The following DIAPH3 variants were observed in gnomAD, a reference collection of about 807,000 sequenced individuals.
DIAPH3 encodes the protein diaphanous related formin 3.
In DIAPH3, 117 loss-of-function variants were observed where a neutral mutation model predicts 144.3. The ratio of observed to expected loss-of-function variants is 0.81; its 90% CI spans 0.70 to 0.95. DIAPH3 has a LOEUF of 0.95. Among genes scored for constraint, DIAPH3 ranks in the 40% least tolerant of loss-of-function variants. The pLI is 0.00. For synonymous variants in DIAPH3, 519 were observed against 488.9 expected (o/e 1.06, Z -0.81); for missense variants, 1,421 against 1,412.7 (o/e 1.01, Z -0.09).
intron 20 of DIAPH3, among the ~76,000 whole-genome samples, chr13:59,884,709 C>G (rs2045321735): frequency 6.8e-6 from 1 of 147,938 alleles, no homozygotes; most frequent in South Asian, 2.1e-4. Context: ...TCATTGTTAA[C>G]AGACCAATAT....
At chr13:59,685,153 G>A (rs181034571) in intron 27 of DIAPH3, among the ~76,000 whole-genome samples, 14 of 151,984 alleles carry the variant, frequency 9.2e-5, no homozygotes, top group African/African-American at 3.4e-4. Context: ...GTGAAGGGTG[G>A]GAAGGAGATT....
chr13:59,721,579 T>A (rs1224877867), intron 27 of DIAPH3, among the ~76,000 whole-genome samples: 1 of 152,158 alleles, frequency 6.6e-6, no homozygotes. Context: ...TCATAAAAAA[T>A]CCCAAGGAAA....
At chr13:60,018,251 A>G (rs1264851010) in intron 5 of DIAPH3, among the ~76,000 whole-genome samples, 1 of 152,220 alleles carries the variant, frequency 6.6e-6, no homozygotes, top group Non-Finnish European at 1.5e-5. Flanking sequence ...ATCACCTTTA[A>G]TCATTGTGAA....
chr13:59,852,101 C>CT (rs954794987), intron 22 of DIAPH3, among the ~76,000 whole-genome samples: 11 of 152,092 alleles, frequency 7.2e-5, no homozygotes, highest in African/African-American at 2.4e-4. Flanking sequence ...AACACTAGCT[C>CT]TTTTTTCCAT....
chr13:59,694,764 G>C (rs946489031), intron 27 of DIAPH3, among the ~76,000 whole-genome samples: 8 of 152,112 alleles, frequency 5.3e-5, no homozygotes, highest in Non-Finnish European at 1.2e-4. Flanking sequence ...AAACAAAGTT[G>C]TTCAGTCATT....
intron 25 of DIAPH3, among the ~76,000 whole-genome samples, chr13:59,802,849 T>A (rs1246221051): frequency 1.0e-4 from 15 of 147,106 alleles, no homozygotes; most frequent in Admixed American, 9.5e-4. Flanking sequence ...GCCCGGCTAA[T>A]TTTTTTTTGT....
rs745720799 is a variant in DIAPH3 at position 59,732,314 on chromosome 13, T to C, written c.3319+41875A>G. Among the ~76,000 whole-genome samples, 7 of 151,754 alleles carry C rather than the reference T, an allele frequency of 4.6e-5. No homozygotes were observed. In the East Asian group the frequency reaches 5.8e-4, roughly 13 times the overall value. Reference sequence around the variant, plus strand: ...CCCCTTAATACCAACTTAAAACAAATAGATTGCAAATAACAAATATAATTT... The same window carrying C: ...CCCCTTAATACCAACTTAAAACAAACAGATTGCAAATAACAAATATAATTT... On this transcript the variant is annotated intron_variant, in intron 27 of 27. Transcript: ENST00000400324.
At chr13:60,094,178 G>A (rs1208187291) in intron 3 of DIAPH3, among the ~76,000 whole-genome samples, 1 of 152,114 alleles carries the variant, frequency 6.6e-6, no homozygotes, top group African/African-American at 2.4e-5. Flanking sequence ...GATTCTGATA[G>A]CCACATCAAA....
intron 9 of DIAPH3, among the ~76,000 whole-genome samples, chr13:59,993,845 T>A (rs1430366340): frequency 4.0e-5 from 6 of 151,738 alleles, no homozygotes; most frequent in African/African-American, 1.4e-4. Context: ...CCCACAAATG[T>A]TTTCTTCAGC....
At chr13:59,856,248 A>G (rs2043246561) in intron 22 of DIAPH3, among the ~76,000 whole-genome samples, 1 of 152,188 alleles carries the variant, frequency 6.6e-6, no homozygotes, top group Non-Finnish European at 1.5e-5. Context: ...CTGATTTGAT[A>G]AAGTGAAAAA....
At chr13:59,950,995 ATTAT>A (rs1350024662) in intron 17 of DIAPH3, among the ~76,000 whole-genome samples, 1 of 152,142 alleles carries the variant, frequency 6.6e-6, no homozygotes, top group East Asian at 1.9e-4. Context: ...CTGTAACATA[ATTAT>A]TCTATAATGA....
intron 25 of DIAPH3, among the ~76,000 whole-genome samples, chr13:59,803,215 G>T (rs921509231): frequency 4.7e-4 from 72 of 152,128 alleles, no homozygotes; most frequent in Admixed American, 1.6e-3. Flanking sequence ...CAAAAGAACT[G>T]ATTGGTATGA....
chr13:60,109,278 CT>C, intron 3 of DIAPH3, among the ~76,000 whole-genome samples: 1 of 152,296 alleles, frequency 6.6e-6, no homozygotes, highest in Non-Finnish European at 1.5e-5. Flanking sequence ...ACCAGGATTT[CT>C]CACTTACAGA....
chr13:59,687,969 C>T (rs1387010303), intron 27 of DIAPH3, among the ~76,000 whole-genome samples: 1 of 151,992 alleles, frequency 6.6e-6, no homozygotes, highest in Non-Finnish European at 1.5e-5. Flanking sequence ...ACCCAGAGAA[C>T]AAAAGATTGT....
chr13:59,885,013 C>T (rs998405337), intron 20 of DIAPH3, among the ~76,000 whole-genome samples: 4 of 152,108 alleles, frequency 2.6e-5, no homozygotes, highest in South Asian at 2.1e-4. Context: ...GTATATTCCT[C>T]CACTTAGTCA....
rs41293424 is a variant in DIAPH3 at position 59,916,133 on chromosome 13, T to A, written c.2265+22A>T. 1.6e-3 allele frequency: 2,492 copies of A among 1,590,122 alleles called. 6 individuals carry two copies. The highest frequency in any genetic ancestry group is 2.0e-3 in the Non-Finnish European group (2,278 of 1,158,564). On this transcript the variant is annotated intron_variant, in intron 19 of 27. Transcript: ENST00000400324. ...AAGCTTGCAATGAAATATTGAAATT[T>A]AAGCTGTGCCTGTTTGTTTACCTGA...
At chr13:59,689,804 T>TGC in intron 27 of DIAPH3, among the ~76,000 whole-genome samples, 1 of 151,740 alleles carries the variant, frequency 6.6e-6, no homozygotes, top group East Asian at 1.9e-4. Context: ...TGTGTGTGTG[T>TGC]GTGTGTATGT....
chr13:60,133,275 C>T (rs537309212), intron 1 of DIAPH3, among the ~76,000 whole-genome samples: 2 of 151,846 alleles, frequency 1.3e-5, no homozygotes, highest in Non-Finnish European at 2.9e-5. Flanking sequence ...TCCCAATTAA[C>T]AGTATTAATT....
At chr13:59,816,766 T>C (rs1472677877) in intron 24 of DIAPH3, among the ~76,000 whole-genome samples, 1 of 151,882 alleles carries the variant, frequency 6.6e-6, no homozygotes, top group African/African-American at 2.4e-5. Flanking sequence ...GATAATCTGA[T>C]ACTTTTATAT....
Sources: allele counts gnomAD v4.1 joint callset (sites outside exome capture counted in the v4.1 genomes callset), GRCh38; gene constraint gnomAD v4.1.1; transcripts MANE v1.5; gene names NCBI Gene and HGNC (gene_info 2026-07-23, HGNC 2026-07-21).